The following ADCY9 variants were observed in gnomAD, a reference collection of about 807,000 sequenced individuals.
The protein encoded by ADCY9 is adenylate cyclase type 9.
A neutral mutation model predicts 101.5 loss-of-function variants in ADCY9; 50 were observed. That is an observed-to-expected ratio of 0.49 (90% CI 0.39 to 0.62). ADCY9 has a LOEUF of 0.62. Ranked by LOEUF, ADCY9 falls within the 20% of genes least tolerant of loss-of-function variation. The pLI, the probability that ADCY9 is intolerant of heterozygous loss-of-function variation, is 0.00. For synonymous variants in ADCY9, 905 were observed against 769.3 expected (o/e 1.18, Z -2.92); for missense variants, 1,662 against 1,800.4 (o/e 0.92, Z 1.39).
chr16:3,991,635 C>T (rs1285729742), intron 5 of ADCY9, among the ~76,000 whole-genome samples: 3 of 151,784 alleles, frequency 2.0e-5, no homozygotes, highest in Admixed American at 1.3e-4. Flanking sequence ...GTTGTGTATG[C>T]CTGTAGTCCC....
At chr16:4,033,802 T>C (rs952390686) in intron 2 of ADCY9, among the ~76,000 whole-genome samples, 3 of 152,180 alleles carry the variant, frequency 2.0e-5, no homozygotes, top group African/African-American at 7.2e-5. Context: ...GCTTAAGCAA[T>C]TACTTAACCT....
chr16:4,014,030 A>G (rs1428154975), intron 2 of ADCY9, among the ~76,000 whole-genome samples: 1 of 152,182 alleles, frequency 6.6e-6, no homozygotes, highest in Non-Finnish European at 1.5e-5. Context: ...TAACAAATGA[A>G]GTCCCAGGTC....
intron 2 of ADCY9, among the ~76,000 whole-genome samples, chr16:4,065,472 T>C (rs1336560228): frequency 1.3e-5 from 2 of 152,214 alleles, no homozygotes; most frequent in South Asian, 2.1e-4. Context: ...AGCAACACCA[T>C]GTTGCCAGAA....
intron 2 of ADCY9, among the ~76,000 whole-genome samples, chr16:4,109,856 C>G (rs2057102194): frequency 6.6e-6 from 1 of 152,200 alleles, no homozygotes; most frequent in Non-Finnish European, 1.5e-5. Flanking sequence ...AGTCAGATCA[C>G]CTAAGCCCCC....
In ADCY9 at chr16:3,989,381, G is replaced by GT. The variant is rs1344875174; in HGVS notation, c.2208-286dup. Among the ~76,000 whole-genome samples the GT allele has an allele frequency of 6.0e-3, 893 of 147,812 alleles. 4 individuals are homozygous for GT. The highest frequency in any genetic ancestry group is 0.017 in the African/African-American group (678 of 40,184). On this transcript the variant is annotated intron_variant, in intron 5 of 10. Coordinates refer to ENST00000294016, the MANE Select transcript of ADCY9 (RefSeq NM_001116.4). ...ATCATCAGAACCTTGGTTTTTTGGG[G>GT]TTTTTTTTTTTTGAGGCAAGGTCTC...
At chr16:4,057,197 G>A (rs553129524) in intron 2 of ADCY9, among the ~76,000 whole-genome samples, 1 of 152,090 alleles carries the variant, frequency 6.6e-6, no homozygotes, top group African/African-American at 2.4e-5. Flanking sequence ...CTGGAGTGCC[G>A]TGGTGCAATC....
intron 2 of ADCY9, among the ~76,000 whole-genome samples, chr16:4,100,195 AC>A (rs1268819242): frequency 2.6e-5 from 4 of 151,994 alleles, no homozygotes; most frequent in Non-Finnish European, 5.9e-5. Context: ...CTCTCCTGAC[AC>A]CATTTAAGAT....
At chr16:4,113,591 C>G (rs1464876276) in intron 2 of ADCY9, among the ~76,000 whole-genome samples, 159 bp downstream of exon 2, 1 of 151,994 alleles carries the variant, frequency 6.6e-6, no homozygotes, top group Non-Finnish European at 1.5e-5. Context: ...ATATTTGACC[C>G]GCTGAAAGAA....
chr16:3,992,505 C>T lies in ADCY9; in HGVS notation c.1990-142G>A, dbSNP rs919737672. The T allele has an allele frequency of 5.6e-6, 4 of 714,000 alleles. No homozygotes were observed. The highest frequency in any genetic ancestry group is 5.4e-5 in the African/African-American group (3 of 56,038). 44.2% of individuals were successfully genotyped at this position (714,000 alleles called of 1,614,324 possible). On this transcript the variant is annotated intron_variant, in intron 4 of 10. Transcript: ENST00000294016. The surrounding 1 kb of genome is among the most constrained non-coding windows in gnomAD (Gnocchi z 4.2). The stretch of plus-strand genomic sequence containing the variant: ...CTTTCTGACCTGCGAGGAACCCCCA[C>T]CCCCCTGCGCCTACAGACCTGCTCC...
chr16:4,091,629 T>C (rs1370442907), intron 2 of ADCY9, among the ~76,000 whole-genome samples: 1 of 152,046 alleles, frequency 6.6e-6, no homozygotes, highest in Admixed American at 6.6e-5. Context: ...TATGCACCCA[T>C]AACAAAAAGG....
intron 2 of ADCY9, among the ~76,000 whole-genome samples, chr16:4,070,901 C>G (rs903018426): frequency 1.3e-5 from 2 of 152,072 alleles, no homozygotes; most frequent in Non-Finnish European, 2.9e-5. Context: ...GAGCCATGAT[C>G]AGACCACTGC....
intron 7 of ADCY9, among the ~76,000 whole-genome samples, chr16:3,980,874 C>G (rs375560710): frequency 1.3e-5 from 2 of 152,282 alleles, no homozygotes; most frequent in South Asian, 4.1e-4. Flanking sequence ...CCTGAGACTG[C>G]AGGGATCTGA....
chr16:4,073,913 T>C (rs904516391), intron 2 of ADCY9, among the ~76,000 whole-genome samples: 5 of 152,212 alleles, frequency 3.3e-5, no homozygotes, highest in African/African-American at 1.2e-4. Flanking sequence ...CAAAAGTATT[T>C]TGAAAATCTT....
chr16:4,026,151 G>A (rs144998424), intron 2 of ADCY9, among the ~76,000 whole-genome samples: 141 of 152,274 alleles, frequency 9.3e-4, no homozygotes, highest in African/African-American at 2.7e-3. Flanking sequence ...GAGGCTGGGC[G>A]CGGTGGATCA....
chr16:4,080,368 C>T (rs919470360), intron 2 of ADCY9, among the ~76,000 whole-genome samples: 5 of 152,056 alleles, frequency 3.3e-5, no homozygotes, highest in African/African-American at 4.8e-5. Flanking sequence ...CTTAGCCTCC[C>T]GAGTAGCTGA....
intron 2 of ADCY9, among the ~76,000 whole-genome samples, chr16:4,070,474 C>A (rs1437816670): frequency 3.3e-5 from 5 of 152,046 alleles, no homozygotes; most frequent in South Asian, 4.1e-4. Context: ...TGAAAAATAA[C>A]CAAGTAGAAG....
At chr16:4,106,817 G>A (rs2057080402) in intron 2 of ADCY9, among the ~76,000 whole-genome samples, 1 of 152,172 alleles carries the variant, frequency 6.6e-6, no homozygotes, top group Non-Finnish European at 1.5e-5. Flanking sequence ...AAAGTACATA[G>A]GCAACGCTGA....
chr16:3,965,901 C>G lies in ADCY9; in HGVS notation c.3936G>C (p.Trp1312Cys). The stretch of plus-strand genomic sequence containing the variant: ...TTTCTTCGGCTTTGACGGGCTCCTT[C>G]CACGGTCTCTTGGGGGACAGGTGGG... ...KDAHLSPKRP[W>C]KEPVKAEERG... is the part of the protein sequence containing the mutation. Residue 1312 changes from tryptophan (W) to cysteine (C), a missense_variant, in exon 11 of 11, where the codon TGG (tryptophan) becomes TGC (cysteine). Physicochemically the swap from Trp to Cys is radical, Grantham distance 215. Around this residue, in one of 5 missense-constraint regions of ADCY9, gnomAD observed 168 missense variants for 155.3 expected, o/e 1.08. Coordinates refer to ENST00000294016, the MANE Select transcript of ADCY9 (RefSeq NM_001116.4). The G allele has an allele frequency of 6.2e-7, 1 of 1,614,210 alleles. No homozygotes were observed. The highest frequency in any genetic ancestry group is 1.1e-5 in the South Asian group (1 of 91,092).
chr16:4,084,015 T>C (rs373884721), intron 2 of ADCY9, among the ~76,000 whole-genome samples: 54 of 152,304 alleles, frequency 3.5e-4, no homozygotes, highest in African/African-American at 1.2e-3. Context: ...TTCTTTTGTT[T>C]GTTTTGTGTT....
Sources: allele counts gnomAD v4.1 joint callset (sites outside exome capture counted in the v4.1 genomes callset), GRCh38; gene constraint gnomAD v4.1.1; regional missense constraint gnomAD v4.1.1; non-coding constraint Gnocchi (gnomAD v3.1); transcripts MANE v1.5; gene names NCBI Gene and HGNC (gene_info 2026-07-23, HGNC 2026-07-21).